CCDC178: variants seen among roughly 807,000 people sequenced by gnomAD.
The protein encoded by CCDC178 is coiled-coil domain-containing protein 178.
Under a neutral mutation model 117.4 loss-of-function variants are expected in CCDC178, and 126 were observed. The observed-to-expected ratio is 1.07, with a 90% CI of 0.93 to 1.24. The LOEUF (loss-of-function observed/expected upper bound fraction) is 1.24, where lower values mean the gene tolerates loss of function less well. CCDC178 is among the 50% of genes most tolerant of loss of function. The probability of loss-of-function intolerance (pLI) is 0.00; values close to 1 mark genes in which losing one functional copy is unlikely to be tolerated. For missense variants in CCDC178, 1,030 were observed against 986.9 expected (o/e 1.04, Z -0.59); for synonymous variants, 283 against 313.4 (o/e 0.90, Z 1.02).
At chr18:33,184,922 T>C (rs909123377) in intron 20 of CCDC178, among the ~76,000 whole-genome samples, 2 of 152,070 alleles carry the variant, frequency 1.3e-5, no homozygotes, top group African/African-American at 4.8e-5. Context: ...CACTGTGGTA[T>C]TACTGCTTCT....
chr18:33,098,224 A>T (rs2057570976), intron 20 of CCDC178, among the ~76,000 whole-genome samples: 1 of 152,150 alleles, frequency 6.6e-6, no homozygotes, highest in African/African-American at 2.4e-5. Flanking sequence ...TTTAAGTACA[A>T]AAAGTGAAAT....
At chr18:33,151,196 T>C (rs1048723393) in intron 20 of CCDC178, among the ~76,000 whole-genome samples, 1 of 152,026 alleles carries the variant, frequency 6.6e-6, no homozygotes, top group Non-Finnish European at 1.5e-5. Flanking sequence ...ACCAAAGAAC[T>C]TATCCATGTA....
intron 3 of CCDC178, among the ~76,000 whole-genome samples, chr18:33,399,641 A>G (rs1387143349): frequency 6.6e-6 from 1 of 152,180 alleles, no homozygotes; most frequent in Admixed American, 6.5e-5. Flanking sequence ...TTTTATCATG[A>G]GATTGCAGCA....
intron 6 of CCDC178, among the ~76,000 whole-genome samples, chr18:33,359,467 T>A (rs998592985): frequency 2.0e-5 from 3 of 151,628 alleles, no homozygotes; most frequent in Admixed American, 1.3e-4. Flanking sequence ...TTATTCAGGA[T>A]ATTGAAGTGG....
intron 11 of CCDC178, among the ~76,000 whole-genome samples, chr18:33,300,280 G>A (rs1293867447): frequency 4.6e-5 from 7 of 152,180 alleles, no homozygotes; most frequent in African/African-American, 1.4e-4. Flanking sequence ...GCAGAACTGT[G>A]AGCCAATTAA....
intron 21 of CCDC178, among the ~76,000 whole-genome samples, chr18:33,035,492 G>T (rs1018248925): frequency 2.6e-5 from 4 of 151,970 alleles, no homozygotes; most frequent in African/African-American, 9.7e-5. Context: ...AAAACATTAT[G>T]CTAAGTGAAA....
At chr18:33,291,233 C>T (rs1440279639) in intron 12 of CCDC178, among the ~76,000 whole-genome samples, 2 of 152,086 alleles carry the variant, frequency 1.3e-5, no homozygotes, top group East Asian at 1.9e-4. Context: ...GTATTTATAC[C>T]TGATACTACA....
chr18:33,128,249 A>G (rs2058031341), intron 20 of CCDC178, among the ~76,000 whole-genome samples: 1 of 152,188 alleles, frequency 6.6e-6, no homozygotes, highest in Non-Finnish European at 1.5e-5. Context: ...GTAAAAGTAA[A>G]TATGATTGTT....
At chr18:33,317,119 A>T (rs972137074) in intron 11 of CCDC178, among the ~76,000 whole-genome samples, 1 of 152,146 alleles carries the variant, frequency 6.6e-6, no homozygotes, top group African/African-American at 2.4e-5. Context: ...CCCCTTCCAC[A>T]CTGTGGAAGC....
At chr18:33,394,086 T>C (rs1463538837) in intron 4 of CCDC178, among the ~76,000 whole-genome samples, 1 of 152,018 alleles carries the variant, frequency 6.6e-6, no homozygotes, top group Admixed American at 6.6e-5. Flanking sequence ...ATTGGTAGAT[T>C]TTTATTTCTT....
chr18:33,145,480 C>T (rs2058257044), intron 20 of CCDC178, among the ~76,000 whole-genome samples: 1 of 152,130 alleles, frequency 6.6e-6, no homozygotes, highest in Non-Finnish European at 1.5e-5. Context: ...GTATAGTACA[C>T]TTGAAATGTT....
chr18:33,034,642 G>C (rs1400693034), intron 21 of CCDC178, among the ~76,000 whole-genome samples: 2 of 151,934 alleles, frequency 1.3e-5, no homozygotes, highest in African/African-American at 4.8e-5. Context: ...AGGCTGATTG[G>C]CATGCCCCTC....
At chr18:33,075,731 G>A (rs1417864243) in intron 21 of CCDC178, among the ~76,000 whole-genome samples, 2 of 152,106 alleles carry the variant, frequency 1.3e-5, no homozygotes, top group Admixed American at 1.3e-4. Flanking sequence ...CACTTTGGGA[G>A]GCCGAGGCAG....
chr18:33,410,150 T>A (rs756708045), intron 3 of CCDC178, among the ~76,000 whole-genome samples: 4 of 152,222 alleles, frequency 2.6e-5, no homozygotes, highest in Non-Finnish European at 4.4e-5. Flanking sequence ...GAATAGGCTT[T>A]GTCAAGTCAT....
At chr18:33,318,739 A>C (rs1404674089) in intron 11 of CCDC178, among the ~76,000 whole-genome samples, 2 of 152,300 alleles carry the variant, frequency 1.3e-5, no homozygotes, top group East Asian at 3.9e-4. Flanking sequence ...AAAATTAATT[A>C]AAATTCATAA....
intron 19 of CCDC178, 134 bp downstream of exon 19, chr18:33,215,416 C>G (rs898725913): frequency 5.5e-6 from 3 of 547,898 alleles, no homozygotes; most frequent in Admixed American, 4.7e-5. Context: ...TATCAAATAA[C>G]ACATATATAT....
intron 14 of CCDC178, among the ~76,000 whole-genome samples, chr18:33,265,786 A>G (rs941039382): frequency 9.9e-5 from 15 of 152,036 alleles, no homozygotes; most frequent in African/African-American, 3.4e-4. Context: ...GAACATGCCT[A>G]TCAAAATGTA....
intron 21 of CCDC178, chr18:32,983,469 T>A: frequency 1.7e-6 from 1 of 594,104 alleles, no homozygotes. Flanking sequence ...TAAGATTTAT[T>A]CACATTTGAC....
chr18:33,338,499 A>G (rs548568292), intron 9 of CCDC178, among the ~76,000 whole-genome samples: 31 of 152,330 alleles, frequency 2.0e-4, no homozygotes, highest in South Asian at 2.1e-4. Context: ...GAACCAGCCC[A>G]AATGCCCATT....
Sources: allele counts gnomAD v4.1 joint callset (sites outside exome capture counted in the v4.1 genomes callset), GRCh38; gene constraint gnomAD v4.1.1; transcripts MANE v1.5; gene names NCBI Gene and HGNC (gene_info 2026-07-23, HGNC 2026-07-21).